RUNX2: variants seen among roughly 807,000 people sequenced by gnomAD.
RUNX2 encodes runt-related transcription factor 2.
A neutral mutation model predicts 51.7 loss-of-function variants in RUNX2; 10 were observed. The observed-to-expected ratio is 0.19, with a 90% confidence interval of 0.12 to 0.33. The LOEUF is 0.33. Among genes scored for constraint, RUNX2 ranks in the 10% least tolerant of loss-of-function variants. RUNX2 has a pLI of 1.00. For missense variants in RUNX2, 562 were observed against 691.3 expected (o/e 0.81, Z 2.10); for synonymous variants, 276 against 273.6 (o/e 1.01, Z -0.09).
intron 6 of RUNX2, among the ~76,000 whole-genome samples, chr6:45,498,248 C>T (rs1563112513): frequency 1.3e-5 from 2 of 152,138 alleles, no homozygotes; most frequent in East Asian, 3.9e-4. Flanking sequence ...ATTTACAAAC[C>T]AAAGGCCTAA....
rs182412162 is a variant in RUNX2 at position 45,404,820 on chromosome 6, G to A, written c.59-17773G>A. Among the ~76,000 whole-genome samples the A allele has an allele frequency of 9.2e-4, 140 of 152,350 alleles. 1 individual carries two copies. The highest frequency in any genetic ancestry group is 3.2e-3 in the African/African-American group (134 of 41,586). On this transcript the variant is annotated intron_variant, in intron 2 of 8. Coordinates refer to ENST00000647337, the MANE Select transcript of RUNX2 (RefSeq NM_001024630.4). Reference sequence around the variant, plus strand: ...TGCTCCCTTCATGAATGTATTTCTGGAAAGGCAGTGATATAGCCATACGGT... The same window carrying A: ...TGCTCCCTTCATGAATGTATTTCTGAAAAGGCAGTGATATAGCCATACGGT...
chr6:45,386,090 G>A (rs1334109390), intron 2 of RUNX2, among the ~76,000 whole-genome samples: 9 of 143,754 alleles, frequency 6.3e-5, no homozygotes, highest in South Asian at 2.2e-4. Flanking sequence ...TTTTTGAGAC[G>A]GAGTTTCACT....
In RUNX2 at chr6:45,337,892, T is replaced by C. The variant is rs1223352160; in HGVS notation, c.58+9108T>C. Among the ~76,000 whole-genome samples, 4 of 152,140 alleles carry C rather than the reference T, an allele frequency of 2.6e-5. No homozygotes were observed. The East Asian group carries it at 7.7e-4, about 29-fold the overall frequency. ...ATTTTATTTTTTTAGAGAAAAAGTA[T>C]ATTTAAGTAAATTCTAACTTTAAGA... On this transcript the variant is annotated intron_variant, in intron 2 of 8. Transcript: ENST00000647337.
intron 5 of RUNX2, among the ~76,000 whole-genome samples, chr6:45,457,245 A>T: frequency 6.6e-6 from 1 of 152,176 alleles, no homozygotes; most frequent in African/African-American, 2.4e-5. Flanking sequence ...AAAAGAAAAC[A>T]TTGCCTTTTT....
intron 2 of RUNX2, among the ~76,000 whole-genome samples, chr6:45,337,921 A>G (rs1039992799): frequency 1.3e-5 from 2 of 152,034 alleles, no homozygotes; most frequent in Non-Finnish European, 2.9e-5. Flanking sequence ...TTTAAGAAAC[A>G]AAACTCCTGA....
chr6:45,336,067 GAA>G (rs1359533607), intron 2 of RUNX2, among the ~76,000 whole-genome samples: 3 of 151,284 alleles, frequency 2.0e-5, no homozygotes, highest in Non-Finnish European at 4.5e-5. Flanking sequence ...TTCCACAGAA[GAA>G]ACTCCTTTTC....
chr6:45,445,341 A>G (rs1192528242), intron 5 of RUNX2, among the ~76,000 whole-genome samples: 1 of 152,150 alleles, frequency 6.6e-6, no homozygotes, highest in African/African-American at 2.4e-5. Context: ...ATGCTTATTT[A>G]GAGATTGGTC....
intron 5 of RUNX2, among the ~76,000 whole-genome samples, chr6:45,443,697 T>C (rs752152794): frequency 8.5e-5 from 13 of 152,186 alleles, no homozygotes; most frequent in Middle Eastern, 3.2e-3. Flanking sequence ...AAATATCAGA[T>C]GAATTAGTGG....
chr6:45,352,664 C>G (rs1247649998), intron 2 of RUNX2, among the ~76,000 whole-genome samples: 1 of 152,036 alleles, frequency 6.6e-6, no homozygotes, highest in Non-Finnish European at 1.5e-5. Flanking sequence ...GCAACTGTAC[C>G]TAGTATTCTG....
chr6:45,426,207 A>G (rs1009760773), intron 3 of RUNX2, among the ~76,000 whole-genome samples: 2 of 152,202 alleles, frequency 1.3e-5, no homozygotes, highest in African/African-American at 4.8e-5. Context: ...TTAACATTGT[A>G]TTTTTAACAA....
intron 5 of RUNX2, among the ~76,000 whole-genome samples, chr6:45,469,276 T>G (rs1296035837): frequency 1.3e-5 from 2 of 152,234 alleles, no homozygotes; most frequent in African/African-American, 2.4e-5. Flanking sequence ...GTCTTGCACA[T>G]AGTAGGTGCC....
At chr6:45,405,961 C>T (rs1040775620) in intron 2 of RUNX2, among the ~76,000 whole-genome samples, 4 of 152,120 alleles carry the variant, frequency 2.6e-5, no homozygotes, top group Non-Finnish European at 5.9e-5. Flanking sequence ...TATTATATTA[C>T]CTATTTCATA....
chr6:45,413,202 T>C (rs1338827822), intron 2 of RUNX2, among the ~76,000 whole-genome samples: 8 of 152,172 alleles, frequency 5.3e-5, no homozygotes, highest in Non-Finnish European at 1.2e-4. Flanking sequence ...TGTATTTAAA[T>C]AAAATCAAAG....
chr6:45,515,621 T>C (rs1801297053), intron 7 of RUNX2, among the ~76,000 whole-genome samples: 1 of 152,168 alleles, frequency 6.6e-6, no homozygotes, highest in South Asian at 2.1e-4. Context: ...CCTTAGATTA[T>C]CTAAATAAGT....
Position 45,547,401 on chromosome 6 carries a change from T to TATGTATATATGTATA in RUNX2, c.*96_*97insATGTATATATGTATA. 1 of 1,025,674 alleles carries TATGTATATATGTATA rather than the reference T, an allele frequency of 9.7e-7. No individual in the cohort carries two copies. Among genetic ancestry groups the TATGTATATATGTATA allele is most frequent in the Admixed American group, 1.7e-5 (1 of 57,872 alleles). The allele number at this position is 1,025,674 out of a possible 1,614,324, so 63.5% of individuals were successfully genotyped here. A position where few individuals can be genotyped will look rare whatever the true frequency, so the allele number is the denominator to read the frequency against. The stretch of plus-strand genomic sequence containing the variant: ...GAGAGTGCATATATATGTATATCGA[T>TATGTATATATGTATA]TAGCTATCTACAAAGTGCCTATTTT... On this transcript the variant is annotated 3_prime_UTR_variant, in exon 9 of 9. Transcript: ENST00000647337.
At chr6:45,473,322 TGGG>T (rs1799860621) in intron 5 of RUNX2, among the ~76,000 whole-genome samples, 1 of 152,152 alleles carries the variant, frequency 6.6e-6, no homozygotes, top group Non-Finnish European at 1.5e-5. Flanking sequence ...CTGTTGACTT[TGGG>T]AGATGTAGTA....
chr6:45,381,153 G>A (rs1797233063), intron 2 of RUNX2, among the ~76,000 whole-genome samples: 1 of 152,154 alleles, frequency 6.6e-6, no homozygotes, highest in Middle Eastern at 3.4e-3. Flanking sequence ...TTTTCCAATT[G>A]CATTCTCAAA....
chr6:45,541,927 T>C (rs1052668706), intron 7 of RUNX2, among the ~76,000 whole-genome samples: 112 of 152,170 alleles, frequency 7.4e-4, no homozygotes, highest in African/African-American at 2.7e-3. Context: ...GCCTAGTCAA[T>C]GAGAAAATGT....
chr6:45,355,247 C>G (rs913173993), intron 2 of RUNX2, among the ~76,000 whole-genome samples: 2 of 151,824 alleles, frequency 1.3e-5, no homozygotes, highest in African/African-American at 4.8e-5. Context: ...CAGGCATGAG[C>G]CACCATGCCC....
Sources: gnomAD v4.1 joint callset for allele counts (sites outside exome capture counted in the v4.1 genomes callset) on GRCh38, gnomAD v4.1.1 for gene constraint, MANE v1.5 for transcripts, NCBI Gene and HGNC (gene_info 2026-07-23, HGNC 2026-07-21) for gene names.